Variants in SLCO3A1 observed in about 807,000 individuals in gnomAD.
The protein encoded by SLCO3A1 is PGE1 transporter.
A neutral mutation model predicts 63.1 loss-of-function variants in SLCO3A1; 27 were observed. The observed-to-expected ratio is 0.43, with a 90% confidence interval of 0.32 to 0.59. SLCO3A1 has a LOEUF of 0.59. SLCO3A1 is among the 20% of genes least tolerant of loss of function. The probability of loss-of-function intolerance (pLI) is 0.09; values close to 1 mark genes in which losing one functional copy is unlikely to be tolerated. For missense variants in SLCO3A1, 773 were observed against 945.8 expected (o/e 0.82, Z 2.40); for synonymous variants, 473 against 409.9 (o/e 1.15, Z -1.86).
At chr15:91,926,576 T>TGG in intron 2 of SLCO3A1, among the ~76,000 whole-genome samples, 1 of 98,672 alleles carries the variant, frequency 1.0e-5, no homozygotes, top group Non-Finnish European at 2.1e-5. Flanking sequence ...TGTGTGTGTG[T>TGG]GTGTGTGTGT....
rs1231499060 is a variant in SLCO3A1, at chr15:91,950,024, A to G, written c.646+33566A>G. Among the ~76,000 whole-genome samples, 1 of 152,136 alleles carries G rather than the reference A, an allele frequency of 6.6e-6. No homozygotes were observed. The highest frequency in any genetic ancestry group is 1.9e-4 in the East Asian group (1 of 5,180). On this transcript the variant is annotated intron_variant, in intron 2 of 9. Coordinates refer to ENST00000318445, the MANE Select transcript of SLCO3A1 (RefSeq NM_013272.4). This position sits in a 1 kb window ranked among gnomAD's most constrained non-coding sequence, Gnocchi z 4.4. ...CCTGTCTCTAAAAAACAACAACGAAAAGAAGGCAGACTGTGATGGATTCTA... is the reference window on the plus strand; with the variant it reads ...CCTGTCTCTAAAAAACAACAACGAAGAGAAGGCAGACTGTGATGGATTCTA...
chr15:91,922,935 T>C (rs1898897494), intron 2 of SLCO3A1, among the ~76,000 whole-genome samples: 3 of 152,190 alleles, frequency 2.0e-5, no homozygotes, highest in African/African-American at 4.8e-5. Flanking sequence ...CCTGGGCTGA[T>C]AGGTGTTTCT....
chr15:92,050,470 A>T (rs1189202424), intron 2 of SLCO3A1, among the ~76,000 whole-genome samples: 2 of 152,186 alleles, frequency 1.3e-5, no homozygotes, highest in Non-Finnish European at 2.9e-5. Context: ...GAGATTCAGG[A>T]AATGCCTCCT....
chr15:92,045,350 G>C (rs1283124278), intron 2 of SLCO3A1, among the ~76,000 whole-genome samples: 1 of 150,572 alleles, frequency 6.6e-6, no homozygotes, highest in East Asian at 1.9e-4. Flanking sequence ...GAACAGAAAA[G>C]CATACACAAG....
At chr15:92,096,393 G>A (rs982762462) in intron 3 of SLCO3A1, among the ~76,000 whole-genome samples, 2 of 152,188 alleles carry the variant, frequency 1.3e-5, no homozygotes, top group African/African-American at 4.8e-5. Flanking sequence ...GAAAGAGAAG[G>A]GATTATTACA....
chr15:92,069,182 G>T (rs1327273862), intron 2 of SLCO3A1, among the ~76,000 whole-genome samples: 8 of 148,604 alleles, frequency 5.4e-5, no homozygotes, highest in Non-Finnish European at 8.9e-5. Context: ...GGAGATAGAG[G>T]GTGCTACCAG....
At chr15:91,957,117 A>ATATATAG (rs1900258876) in intron 2 of SLCO3A1, among the ~76,000 whole-genome samples, 1 of 3,570 alleles carries the variant, frequency 2.8e-4, no homozygotes, top group African/African-American at 3.6e-3. Context: ...TATATATATA[A>ATATATAG]TATATATAAT....
At chr15:92,128,592 T>C in intron 7 of SLCO3A1, 103 bp downstream of exon 7, 1 of 1,027,670 alleles carries the variant, frequency 9.7e-7, no homozygotes, top group South Asian at 1.7e-5. Flanking sequence ...TGACTTTTTC[T>C]TAGCTGTTGC....
At chr15:91,923,131 C>T (rs979765920) in intron 2 of SLCO3A1, among the ~76,000 whole-genome samples, 68 of 152,174 alleles carry the variant, frequency 4.5e-4, no homozygotes, top group African/African-American at 1.4e-3. Context: ...GAGACTTTTG[C>T]CTTTTCAGTA....
At chr15:92,124,837 G>A (rs1370698471) in intron 5 of SLCO3A1, among the ~76,000 whole-genome samples, 1 of 152,158 alleles carries the variant, frequency 6.6e-6, no homozygotes, top group Non-Finnish European at 1.5e-5. Flanking sequence ...TGTCCCAGGA[G>A]AGGGAACTGC....
downstream of SLCO3A1, among the ~76,000 whole-genome samples, chr15:92,168,580 G>C (rs951310186): frequency 6.6e-6 from 1 of 152,190 alleles, no homozygotes; most frequent in African/African-American, 2.4e-5. Context: ...AAGCAGCACT[G>C]CATGTTTGGG....
Position 91,941,378 on chromosome 15 carries a change from CT to C in SLCO3A1, c.646+24921del. On this transcript the variant is annotated intron_variant, in intron 2 of 9. Transcript: ENST00000318445. This position sits in a 1 kb window ranked among gnomAD's most constrained non-coding sequence, Gnocchi z 4.4. ...CAAAGACCTGAGATTCCCTGGGAGG[CT>C]GTGGGGTCTGCCACCCAGCAGATCT... 7 of 372,826 alleles carry C rather than the reference CT, an allele frequency of 1.9e-5. 1 individual carries two copies. The highest frequency in any genetic ancestry group is 1.4e-4 in the South Asian group (7 of 49,284). The allele number at this position is 372,826 out of a possible 1,614,324, so 23.1% of individuals were successfully genotyped here.
At chr15:91,892,143 G>A (rs1212555840) in intron 1 of SLCO3A1, among the ~76,000 whole-genome samples, 1 of 152,158 alleles carries the variant, frequency 6.6e-6, no homozygotes, top group Non-Finnish European at 1.5e-5. Context: ...AGCCTACAAA[G>A]TGCTGATATT....
chr15:92,112,249 T>C (rs1240867728), intron 4 of SLCO3A1, among the ~76,000 whole-genome samples: 1 of 152,168 alleles, frequency 6.6e-6, no homozygotes, highest in African/African-American at 2.4e-5. Flanking sequence ...GACGTCTGGT[T>C]TTAGAAAAGG....
Position 91,941,884 on chromosome 15 carries a change from G to A in SLCO3A1, c.646+25426G>A, listed in dbSNP as rs377756024. ...GGCATCTGCAGTTCTGAGAGTGAGG[G>A]CTGGGGGCTGGTCTTAGGAGGGCAG... On this transcript the variant is annotated intron_variant, in intron 2 of 9. Coordinates refer to ENST00000318445, the MANE Select transcript of SLCO3A1 (RefSeq NM_013272.4). This position sits in a 1 kb window ranked among gnomAD's most constrained non-coding sequence, Gnocchi z 4.4. 6.6e-6 allele frequency among the ~76,000 whole-genome samples: 1 copy of A among 152,162 alleles called. No homozygotes were observed. The highest frequency in any genetic ancestry group is 6.5e-5 in the Admixed American group (1 of 15,288).
chr15:91,954,440 C>G lies in SLCO3A1; in HGVS notation c.646+37982C>G, dbSNP rs1164664167. Among the ~76,000 whole-genome samples, 1 of 152,182 alleles carries G rather than the reference C, an allele frequency of 6.6e-6. No homozygotes were observed. The highest frequency in any genetic ancestry group is 1.9e-4 in the East Asian group (1 of 5,200). ...TCAGAAGTCCTGCCCTCTGCAGTTT[C>G]CAGGGGCCCAACATTCAATAAATTG... On this transcript the variant is annotated intron_variant, in intron 2 of 9. Coordinates refer to ENST00000318445, the MANE Select transcript of SLCO3A1 (RefSeq NM_013272.4). This position sits in a 1 kb window ranked among gnomAD's most constrained non-coding sequence, Gnocchi z 4.7.
At chr15:92,052,779 A>C (rs2046972822) in intron 2 of SLCO3A1, among the ~76,000 whole-genome samples, 1 of 152,188 alleles carries the variant, frequency 6.6e-6, no homozygotes, top group Non-Finnish European at 1.5e-5. Flanking sequence ...TAAAATTTAT[A>C]CATAGGCATA....
chr15:91,930,976 A>G (rs2151390204), intron 2 of SLCO3A1, among the ~76,000 whole-genome samples: 1 of 152,350 alleles, frequency 6.6e-6, no homozygotes, highest in East Asian at 1.9e-4. Flanking sequence ...GTGTCATGCA[A>G]AAGCCAACAG....
In SLCO3A1 at chr15:91,950,633, C is replaced by T. The variant is rs140542924; in HGVS notation, c.646+34175C>T. On this transcript the variant is annotated intron_variant, in intron 2 of 9. Transcript: ENST00000318445. The surrounding 1 kb of genome is among the most constrained non-coding windows in gnomAD (Gnocchi z 4.4). ...CCTAATTTCTCTTCAATTTCTCATGCACTGCATCTTCCCGCTGTTTATTTA... is the reference window on the plus strand; with the variant it reads ...CCTAATTTCTCTTCAATTTCTCATGTACTGCATCTTCCCGCTGTTTATTTA... Among the ~76,000 whole-genome samples the T allele has an allele frequency of 2.6e-5, 4 of 152,346 alleles. No individual in the cohort carries two copies. The highest frequency in any genetic ancestry group is 9.6e-5 in the African/African-American group (4 of 41,576).
Sources: allele counts gnomAD v4.1 joint callset (sites outside exome capture counted in the v4.1 genomes callset), GRCh38; gene constraint gnomAD v4.1.1; non-coding constraint Gnocchi (gnomAD v3.1); transcripts MANE v1.5; gene names NCBI Gene and HGNC (gene_info 2026-07-23, HGNC 2026-07-21).